Variants in RBPJ observed in about 807,000 individuals in gnomAD.
RBPJ encodes recombination signal binding protein for immunoglobulin kappa J region, also known as recombining binding protein suppressor of hairless.
RBPJ carries 9 observed loss-of-function variants against 67.8 expected under a neutral mutation model. The observed-to-expected ratio is 0.13, with a 90% CI of 0.08 to 0.23. The LOEUF is 0.23. RBPJ is among the 10% of genes least tolerant of loss of function. The pLI, the probability that RBPJ is intolerant of heterozygous loss-of-function variation, is 1.00. For synonymous variants in RBPJ, 198 were observed against 203.3 expected, an observed-to-expected ratio of 0.97 and a Z score of 0.22; for missense variants, 305 against 595.6, an observed-to-expected ratio of 0.51 and a Z score of 5.08.
chr4:26,196,047 A>G (rs1560206258), intron 1 of RBPJ, among the ~76,000 whole-genome samples: 1 of 152,236 alleles, frequency 6.6e-6, no homozygotes, highest in Non-Finnish European at 1.5e-5. Context: ...CTCTGGTTCT[A>G]TTGAAATGTT....
chr4:26,310,665 CTTTTTTT>C (rs11289709), intron 1 of RBPJ, among the ~76,000 whole-genome samples: 1 of 107,454 alleles, frequency 9.3e-6, no homozygotes, highest in Non-Finnish European at 1.9e-5. Context: ...CCTGTTTTAA[CTTTTTTT>C]TTTTTTTTTT....
At chr4:26,337,366 T>G (rs1334908089) in intron 1 of RBPJ, among the ~76,000 whole-genome samples, 1 of 152,170 alleles carries the variant, frequency 6.6e-6, no homozygotes, top group African/African-American at 2.4e-5. Flanking sequence ...CATCTGTCCT[T>G]CTGTTGGTCC....
chr4:26,209,137 A>G (rs1486317727), intron 1 of RBPJ, among the ~76,000 whole-genome samples: 1 of 151,586 alleles, frequency 6.6e-6, no homozygotes, highest in African/African-American at 2.4e-5. Context: ...CATAGTAAAA[A>G]TACTCTCAAC....
chr4:26,160,673 A>G (rs1317186857), upstream of RBPJ, among the ~76,000 whole-genome samples: 1 of 152,232 alleles, frequency 6.6e-6, no homozygotes, highest in Non-Finnish European at 1.5e-5. Flanking sequence ...GCTATCAACT[A>G]GAACAAGACT....
chr4:26,341,633 CAAAA>C (rs35755502), intron 1 of RBPJ, among the ~76,000 whole-genome samples: 1 of 144,360 alleles, frequency 6.9e-6, no homozygotes, highest in African/African-American at 2.6e-5. Context: ...CAAAACAAAA[CAAAA>C]AAAAACCAAA....
intron 2 of RBPJ, among the ~76,000 whole-genome samples, chr4:26,400,115 A>C (rs1732617171): frequency 2.0e-5 from 3 of 152,214 alleles, no homozygotes; most frequent in South Asian, 4.1e-4. Flanking sequence ...AGGATTCTTC[A>C]GCACCTGTAA....
chr4:26,399,155 G>A (rs996909652), intron 2 of RBPJ, among the ~76,000 whole-genome samples: 6 of 152,054 alleles, frequency 3.9e-5, no homozygotes, highest in Non-Finnish European at 8.8e-5. Flanking sequence ...CATGACTTAC[G>A]TTCATTGCAC....
intron 1 of RBPJ, among the ~76,000 whole-genome samples, chr4:26,233,758 T>G (rs1044270089): frequency 6.6e-6 from 1 of 152,176 alleles, no homozygotes; most frequent in Non-Finnish European, 1.5e-5. Flanking sequence ...AAACTGAGAA[T>G]CCTTTTCAAA....
intron 1 of RBPJ, among the ~76,000 whole-genome samples, chr4:26,346,285 G>A (rs1726133662): frequency 6.6e-6 from 1 of 152,180 alleles, no homozygotes. Flanking sequence ...GGAAAAGACT[G>A]GCGACTGCGG....
intron 1 of RBPJ, among the ~76,000 whole-genome samples, chr4:26,327,968 C>T (rs929869377): frequency 1.3e-5 from 2 of 152,016 alleles, no homozygotes; most frequent in Non-Finnish European, 2.9e-5. Context: ...TGTGAACAGT[C>T]TATTATGGAC....
intron 1 of RBPJ, among the ~76,000 whole-genome samples, chr4:26,329,059 T>A (rs530173743): frequency 6.6e-6 from 1 of 152,338 alleles, no homozygotes; most frequent in East Asian, 1.9e-4. Context: ...AATGGTGCGA[T>A]CTTGGCTCAC....
At chr4:26,389,662 T>C (rs1731300509) in intron 2 of RBPJ, among the ~76,000 whole-genome samples, 1 of 151,494 alleles carries the variant, frequency 6.6e-6, no homozygotes, top group Non-Finnish European at 1.5e-5. Flanking sequence ...GGATAATAAG[T>C]GAATATTATA....
In RBPJ at chr4:26,243,952, G is replaced by A. The variant is rs78523831; in HGVS notation, c.-167+80338G>A. 7.4e-3 allele frequency among the ~76,000 whole-genome samples: 1,124 copies of A among 151,714 alleles called. 13 individuals are homozygous for A. Among genetic ancestry groups the A allele is most frequent in the African/African-American group, 0.026 (1,068 of 41,376 alleles). ...CTACAAAAAAATACAAACATTAGCC[G>A]GGTGTGATCGTGCTTACCTGTAGTT... On this transcript the variant is annotated intron_variant, in intron 1 of 4. Transcript: ENST00000512351.
At chr4:26,227,447 G>A (rs1179042668) in intron 1 of RBPJ, among the ~76,000 whole-genome samples, 1 of 152,160 alleles carries the variant, frequency 6.6e-6, no homozygotes, top group Admixed American at 6.5e-5. Flanking sequence ...CACATGATAA[G>A]TGACAATAAG....
At chr4:26,205,477 C>G (rs1718137461) in intron 1 of RBPJ, among the ~76,000 whole-genome samples, 2 of 152,150 alleles carry the variant, frequency 1.3e-5, no homozygotes, top group African/African-American at 4.8e-5. Flanking sequence ...CTGCAGTTGT[C>G]AAACTTTCAA....
chr4:26,109,411 C>A, the RBPJ span, among the ~76,000 whole-genome samples: 3 of 48,738 alleles, frequency 6.2e-5, no homozygotes, highest in South Asian at 8.1e-4. Flanking sequence ...TGTCCACCTT[C>A]CTCTCTCTCT....
At chr4:26,210,775 C>G (rs1262690727) in intron 1 of RBPJ, among the ~76,000 whole-genome samples, 2 of 134,158 alleles carry the variant, frequency 1.5e-5, no homozygotes, top group Non-Finnish European at 3.2e-5. Flanking sequence ...TTCTTTCTTT[C>G]TTTCTTTCTT....
chr4:26,361,403 A>C (rs1728045220), intron 1 of RBPJ, among the ~76,000 whole-genome samples: 1 of 152,286 alleles, frequency 6.6e-6, no homozygotes, highest in African/African-American at 2.4e-5. Flanking sequence ...GATTTTCATC[A>C]GTTACATCTA....
At chr4:26,107,187 G>C in the RBPJ span, among the ~76,000 whole-genome samples, 71,246 of 152,134 alleles carry the variant, frequency 0.47, 18,081 homozygotes, top group African/African-American at 0.63. Flanking sequence ...GTTTAGTCTG[G>C]TATTGAAATA....
Sources: gnomAD v4.1 joint callset for allele counts (sites outside exome capture counted in the v4.1 genomes callset) on GRCh38, gnomAD v4.1.1 for gene constraint, MANE v1.5 for transcripts, NCBI Gene and HGNC (gene_info 2026-07-23, HGNC 2026-07-21) for gene names.